Variants in WDR72 observed in about 807,000 individuals in gnomAD.
WDR72 encodes WD repeat-containing protein 72.
A neutral mutation model predicts 124.2 loss-of-function variants in WDR72; 120 were observed. The ratio of observed to expected loss-of-function variants is 0.97; its 90% CI spans 0.83 to 1.12. The LOEUF (loss-of-function observed/expected upper bound fraction) is 1.12. Among genes scored for constraint, WDR72 ranks in the 50% most tolerant of loss-of-function variants. The probability of loss-of-function intolerance (pLI) is 0.00; values close to 1 mark genes in which losing one functional copy is unlikely to be tolerated. For synonymous variants in WDR72, 452 were observed against 441.7 expected, an observed-to-expected ratio of 1.02 and a Z score of -0.29; for missense variants, 1,387 against 1,278.8, an observed-to-expected ratio of 1.08 and a Z score of -1.29.
intron 18 of WDR72, among the ~76,000 whole-genome samples, chr15:53,570,107 T>C (rs1324519849): frequency 1.3e-5 from 2 of 152,100 alleles, no homozygotes; most frequent in African/African-American, 4.8e-5. Context: ...CCCCCCTTTT[T>C]TCCAGTATAT....
intron 14 of WDR72, among the ~76,000 whole-genome samples, chr15:53,651,439 A>G (rs1406884888): frequency 1.3e-5 from 2 of 152,216 alleles, no homozygotes; most frequent in Non-Finnish European, 2.9e-5. Flanking sequence ...GGGCACCATG[A>G]TCTTGTATCA....
chr15:53,683,304 T>C lies in WDR72; in HGVS notation c.1765+16446A>G, dbSNP rs141972968. The stretch of plus-strand genomic sequence containing the variant: ...ATAGGGTGACTAGAATTAACTGCAA[T>C]GTATTATACATGTCATAGTAGCTAG... On this transcript the variant is annotated intron_variant, in intron 13 of 19. Coordinates refer to ENST00000360509, the MANE Select transcript of WDR72 (RefSeq NM_182758.4). Among the ~76,000 whole-genome samples, 104 of 152,252 alleles carry C rather than the reference T, an allele frequency of 6.8e-4. 1 individual carries two copies. Among genetic ancestry groups the C allele is most frequent in the African/African-American group, 2.2e-3 (91 of 41,558 alleles).
At chr15:53,732,932 A>G (rs2018243078) in intron 2 of WDR72, 65 bp downstream of exon 2, 2 of 1,593,522 alleles carry the variant, frequency 1.3e-6, no homozygotes, top group African/African-American at 1.3e-5. Context: ...CATTGCAGAT[A>G]GAAAATGCAA....
chr15:53,684,389 T>A (rs905990254), intron 13 of WDR72: 1 of 153,410 alleles, frequency 6.5e-6, no homozygotes, highest in Admixed American at 6.5e-5. Context: ...AGGCACTGCC[T>A]CACTCGGGAA....
At chr15:53,555,246 G>C (rs548873659) in intron 18 of WDR72, among the ~76,000 whole-genome samples, 69 of 151,292 alleles carry the variant, frequency 4.6e-4, no homozygotes, top group Non-Finnish European at 8.7e-4. Context: ...AGTGCGGGAA[G>C]GGTAAGGAAA....
intron 14 of WDR72, among the ~76,000 whole-genome samples, chr15:53,617,833 C>G (rs1427330301): frequency 2.6e-5 from 4 of 151,794 alleles, no homozygotes; most frequent in African/African-American, 9.7e-5. Context: ...TTTCAAAAGA[C>G]AGGAGAAAAC....
At chr15:53,686,396 G>T (rs986419579) in intron 13 of WDR72, among the ~76,000 whole-genome samples, 1 of 150,138 alleles carries the variant, frequency 6.7e-6, no homozygotes, top group African/African-American at 2.5e-5. Context: ...ACAAAAAAAG[G>T]CAGGGGTTGC....
intron 14 of WDR72, among the ~76,000 whole-genome samples, chr15:53,657,178 C>T (rs2015454614): frequency 7.2e-6 from 1 of 138,100 alleles, no homozygotes; most frequent in African/African-American, 2.7e-5. Flanking sequence ...GCAGGAGAAT[C>T]ACTTGAACCT....
At chr15:53,650,832 T>C (rs2015209652) in intron 14 of WDR72, among the ~76,000 whole-genome samples, 2 of 151,444 alleles carry the variant, frequency 1.3e-5, no homozygotes, top group African/African-American at 4.8e-5. Flanking sequence ...TAACAATTTC[T>C]TTCTCTTGCT....
intron 14 of WDR72, among the ~76,000 whole-genome samples, chr15:53,616,557 T>C (rs950837573): frequency 3.9e-5 from 6 of 151,980 alleles, no homozygotes; most frequent in African/African-American, 1.2e-4. Context: ...TCTACTATTA[T>C]TGTCATAAAG....
chr15:53,586,400 C>T (rs1566971252), intron 18 of WDR72, among the ~76,000 whole-genome samples: 1 of 152,048 alleles, frequency 6.6e-6, no homozygotes, highest in Non-Finnish European at 1.5e-5. Context: ...TGTTCCCAAT[C>T]ATAAATCTAA....
At chr15:53,634,207 G>T (rs2014539668) in intron 14 of WDR72, among the ~76,000 whole-genome samples, 1 of 152,212 alleles carries the variant, frequency 6.6e-6, no homozygotes, top group Middle Eastern at 3.2e-3. Context: ...GTCTCTGGAA[G>T]GTAGACAGAA....
At chr15:53,719,829 G>A (rs541450767) in intron 3 of WDR72, among the ~76,000 whole-genome samples, 2 of 152,254 alleles carry the variant, frequency 1.3e-5, no homozygotes, top group East Asian at 3.9e-4. Flanking sequence ...GCACGCTCAG[G>A]ATTGAGAAGC....
intron 15 of WDR72, 111 bp from the exon 16 acceptor site, chr15:53,613,868 AC>A (rs2013650508): frequency 1.4e-6 from 1 of 692,728 alleles, no homozygotes; most frequent in Admixed American, 2.3e-5. Flanking sequence ...GAAATTGAAT[AC>A]AAATTATTTT....
rs1208673010 is a variant in WDR72, at chr15:53,597,094, T to A, written c.3133A>T (p.Thr1045Ser). ...EELELQCVRN[T>S]LPLQTPVSPV... ...TTGTACTTACTTTGCAGAGGCAAAG[T>A]GTTTCTAACACACTGTAACTCTAGT... Residue 1045 changes from threonine (T) to serine (S), a missense_variant, in exon 18 of 20, where the codon ACT (threonine) becomes TCT (serine). Thr to Ser is a moderately conservative substitution (Grantham distance 58). Coordinates refer to ENST00000360509, the MANE Select transcript of WDR72 (RefSeq NM_182758.4). 1.2e-6 allele frequency: 2 copies of A among 1,613,622 alleles called. No individual in the cohort carries two copies. Among genetic ancestry groups the A allele is most frequent in the African/African-American group, 2.7e-5 (2 of 74,904 alleles).
intron 18 of WDR72, among the ~76,000 whole-genome samples, chr15:53,536,297 T>C (rs1360890583): frequency 6.6e-6 from 1 of 152,188 alleles, no homozygotes; most frequent in Non-Finnish European, 1.5e-5. Flanking sequence ...ATCATTTACC[T>C]TTACTTCTTA....
At chr15:53,562,915 T>C (rs1031849039) in intron 18 of WDR72, among the ~76,000 whole-genome samples, 14 of 151,842 alleles carry the variant, frequency 9.2e-5, no homozygotes, top group African/African-American at 3.4e-4. Flanking sequence ...CTATGCCTTG[T>C]GTTCTCTAAG....
At chr15:53,634,089 T>G (rs1364243251) in intron 14 of WDR72, among the ~76,000 whole-genome samples, 2 of 152,056 alleles carry the variant, frequency 1.3e-5, no homozygotes, top group Middle Eastern at 3.4e-3. Context: ...CCCTCCTGAG[T>G]AATTCATAGT....
At position 53,615,925 on chromosome 15, in the gene WDR72, C is replaced by T; in HGVS notation, c.2281G>A (p.Glu761Lys). ...TGCCTTTTAATGCCATCATTTTCTT[C>T]TGAGAATTTGATGGTATTATCTCCT... ...AQGDNTIKFSEENDGIKRQKK... is the reference protein window; with the variant it reads ...AQGDNTIKFSKENDGIKRQKK... The change falls in exon 15 of 20, where the codon GAA becomes AAA. Residue 761 changes from glutamate (E) to lysine (K), a missense_variant. By Grantham distance (56) the Glu-to-Lys change is moderately conservative. Coordinates refer to ENST00000360509, the MANE Select transcript of WDR72 (RefSeq NM_182758.4). 1 of 1,613,364 alleles carries T rather than the reference C, an allele frequency of 6.2e-7. No homozygotes were observed. Among genetic ancestry groups the T allele is most frequent in the Non-Finnish European group, 8.5e-7 (1 of 1,179,654 alleles).
Sources: allele counts gnomAD v4.1 joint callset (sites outside exome capture counted in the v4.1 genomes callset), GRCh38; gene constraint gnomAD v4.1.1; transcripts MANE v1.5; gene names NCBI Gene and HGNC (gene_info 2026-07-23, HGNC 2026-07-21).